Variants in GRSF1 observed in about 807,000 individuals in gnomAD.
GRSF1 encodes G-rich RNA sequence binding factor 1.
GRSF1 carries 50 observed loss-of-function variants against 51.1 expected under a neutral mutation model. That is an observed-to-expected ratio of 0.98 (90% confidence interval 0.78 to 1.24). The LOEUF is 1.24. Among genes scored for constraint, GRSF1 ranks in the 50% most tolerant of loss-of-function variants. The pLI, the probability that GRSF1 is intolerant of heterozygous loss-of-function variation, is 0.00. For missense variants in GRSF1, 700 were observed against 639.7 expected, an observed-to-expected ratio of 1.09 and a Z score of -1.02; for synonymous variants, 293 against 253.3, an observed-to-expected ratio of 1.16 and a Z score of -1.49.
In GRSF1 at chr4:70,818,140, G is replaced by C. The variant is rs1733379740; in HGVS notation, c.*2747C>G. On this transcript the variant is annotated 3_prime_UTR_variant, in exon 10 of 10. Transcript: ENST00000254799. ...TACAACCTCTGCCTCCCAGGTTCAA[G>C]CGATTCTCCTGCCTTGGCCTCCCAA... 1 of 152,302 alleles carries C rather than the reference G, an allele frequency of 6.6e-6. No homozygotes were observed. Among genetic ancestry groups the C allele is most frequent in the South Asian group, 2.1e-4 (1 of 4,832 alleles). The allele number at this position is 152,302 out of a possible 1,614,324, so 9.4% of individuals were successfully genotyped here.
In GRSF1 at chr4:70,836,349, G is replaced by A. The variant is rs376373232; in HGVS notation, c.358-35C>T. The A allele has an allele frequency of 4.3e-5, 60 of 1,406,064 alleles. No homozygotes were observed. The African/African-American group carries it at 7.3e-4, about 17-fold the overall frequency. 87.1% of individuals were successfully genotyped at this position (1,406,064 alleles called of 1,614,324 possible). A position where few individuals can be genotyped will look rare whatever the true frequency, so the allele number is the denominator to read the frequency against. ...GAAATGAAGAATTGTAAAAAGAGTT[G>A]CATTTACAGGTAAAAAATGTAAAAA... On this transcript the variant is annotated intron_variant, in intron 1 of 9. Transcript: ENST00000254799.
At chr4:70,823,034 T>G (rs983634934) in intron 9 of GRSF1, among the ~76,000 whole-genome samples, 1 of 151,740 alleles carries the variant, frequency 6.6e-6, no homozygotes, top group African/African-American at 2.4e-5. Flanking sequence ...GAGGCGGAGT[T>G]TGCAGTGAGC....
intron 2 of GRSF1, among the ~76,000 whole-genome samples, chr4:70,834,212 T>C (rs1298902598): frequency 6.6e-6 from 1 of 152,008 alleles, no homozygotes; most frequent in Non-Finnish European, 1.5e-5. Context: ...TGAGCCGAGA[T>C]TGCGCTACTG....
rs1464816908 is a variant in GRSF1, at chr4:70,819,461, T to C, written c.*1426A>G. ...TTAACCCTTACTACTTATATTAATATAGCAGGACTTGAGGTAATAATATAT... is the reference window on the plus strand; with the variant it reads ...TTAACCCTTACTACTTATATTAATACAGCAGGACTTGAGGTAATAATATAT... On this transcript the variant is annotated 3_prime_UTR_variant, in exon 10 of 10. Coordinates refer to ENST00000254799, the MANE Select transcript of GRSF1 (RefSeq NM_002092.4). The C allele has an allele frequency of 6.6e-6, 1 of 152,182 alleles. No homozygotes were observed. Among genetic ancestry groups the C allele is most frequent in the Non-Finnish European group, 1.5e-5 (1 of 68,028 alleles). 9.4% of individuals were successfully genotyped at this position (152,182 alleles called of 1,614,324 possible).
chr4:70,833,229 T>C lies in GRSF1; in HGVS notation c.559A>G (p.Asn187Asp). 3.1e-6 allele frequency: 5 copies of C among 1,613,904 alleles called. No homozygotes were observed. Among genetic ancestry groups the C allele is most frequent in the Non-Finnish European group, 4.2e-6 (5 of 1,179,786 alleles). The change falls in exon 3 of 10, where the codon AAC (asparagine) becomes GAC (aspartate). Residue 187 changes from asparagine (N) to aspartate (D), a missense_variant. Asn to Asp is a conservative substitution (Grantham distance 23, BLOSUM62 1). Coordinates refer to ENST00000254799, the MANE Select transcript of GRSF1 (RefSeq NM_002092.4). ...NGENGIHFLL[N>D]RDGKRRGDAL... is the part of the protein sequence containing the mutation. The stretch of plus-strand genomic sequence containing the variant: ...TCACCCCTTCGTTTCCCATCTCTGT[T>C]TAGGAGAAAATGTATTCCATTCTCA...
rs1040138430 is a variant in GRSF1 at position 70,816,831 on chromosome 4, G to A, written c.*4056C>T. On this transcript the variant is annotated 3_prime_UTR_variant, in exon 10 of 10. Coordinates refer to ENST00000254799, the MANE Select transcript of GRSF1 (RefSeq NM_002092.4). ...GACATGCATATAGAAAAAAAGATGA[G>A]ACTGCAGGAGGCAGGCTATGGGATA... 2.0e-5 allele frequency: 3 copies of A among 152,206 alleles called. No individual in the cohort carries two copies. The highest frequency in any genetic ancestry group is 1.3e-4 in the Admixed American group (2 of 15,276). The allele number at this position is 152,206 out of a possible 1,614,324, so 9.4% of individuals were successfully genotyped here. A position where few individuals can be genotyped will look rare whatever the true frequency, so the allele number is the denominator to read the frequency against.
At chr4:70,839,348 G>A in intron 1 of GRSF1, 123 bp downstream of exon 1, 1 of 1,504,964 alleles carries the variant, frequency 6.6e-7, no homozygotes, top group Non-Finnish European at 8.9e-7. Context: ...GCGGGTGTGC[G>A]GCGAGTGTCG....
Position 70,832,314 on chromosome 4 carries a change from G to A in GRSF1, c.807C>T (p.Phe269=). Residue 269 remains phenylalanine, a synonymous_variant, in exon 4 of 10, where the codon TTC becomes TTT. Coordinates refer to ENST00000254799, the MANE Select transcript of GRSF1 (RefSeq NM_002092.4). ...YSCNEKDIVD[F]FAGLNIVDIT... is the part of the protein sequence containing the mutation. ...AATACAACTGCAAAGTACCTGCAAA[G>A]AAGTCTACAATGTCTTTCTCATTGC... The A allele has an allele frequency of 6.2e-7, 1 of 1,613,310 alleles. No homozygotes were observed. Among genetic ancestry groups the A allele is most frequent in the South Asian group, 1.1e-5 (1 of 91,020 alleles).
chr4:70,836,703 G>C (rs1326845412), intron 1 of GRSF1, among the ~76,000 whole-genome samples: 1 of 152,096 alleles, frequency 6.6e-6, no homozygotes, highest in Non-Finnish European at 1.5e-5. Flanking sequence ...AAGCATACAA[G>C]ATGAGATACT....
intron 9 of GRSF1, among the ~76,000 whole-genome samples, chr4:70,823,292 G>A (rs1173094231): frequency 6.6e-6 from 1 of 152,086 alleles, no homozygotes; most frequent in African/African-American, 2.4e-5. Context: ...AGCTACTTGG[G>A]AGGCTGAGGC....
At chr4:70,831,710 C>CT (rs199993413) in intron 4 of GRSF1, 36 bp from the exon 5 acceptor site, 28,559 of 1,560,056 alleles carry the variant, frequency 0.018, 371 homozygotes, top group African/African-American at 0.047. Context: ...TACTAGCAGG[C>CT]TTTTTTATCC....
chr4:70,828,682 C>A (rs1733830595), intron 5 of GRSF1, among the ~76,000 whole-genome samples: 1 of 152,040 alleles, frequency 6.6e-6, no homozygotes, highest in Admixed American at 6.6e-5. Context: ...GATCCTCCTG[C>A]CTCAGCCTCC....
chr4:70,832,531 C>T (rs1734025429), intron 3 of GRSF1, 81 bp from the exon 4 acceptor site: 1 of 745,892 alleles, frequency 1.3e-6, no homozygotes. Flanking sequence ...TTACAACTTG[C>T]TGGGTTATCT....
chr4:70,826,592 C>T (rs568524678), intron 6 of GRSF1, among the ~76,000 whole-genome samples: 1 of 150,472 alleles, frequency 6.6e-6, no homozygotes, highest in Non-Finnish European at 1.5e-5. Flanking sequence ...GTAATCCCAA[C>T]ACTTTGGAAG....
At chr4:70,831,045 G>A (rs1240334251) in intron 5 of GRSF1, among the ~76,000 whole-genome samples, 2 of 152,110 alleles carry the variant, frequency 1.3e-5, no homozygotes, top group African/African-American at 4.8e-5. Context: ...CTCTGTCTAT[G>A]GGTTAGTCCC....
chr4:70,839,172 C>T, intron 1 of GRSF1: 1 of 1,362,712 alleles, frequency 7.3e-7, no homozygotes, highest in Non-Finnish European at 9.6e-7. Context: ...CCTCACGAAA[C>T]CTACCATGGG....
intron 6 of GRSF1, among the ~76,000 whole-genome samples, chr4:70,827,525 C>T (rs1013710504): frequency 2.6e-5 from 4 of 152,186 alleles, no homozygotes; most frequent in African/African-American, 9.6e-5. Flanking sequence ...TGGCTCACAC[C>T]TGTAATCCCA....
chr4:70,840,363 T>C (rs144015732), upstream of GRSF1, among the ~76,000 whole-genome samples: 412 of 152,354 alleles, frequency 2.7e-3, 5 homozygotes, highest in Admixed American at 0.013. Flanking sequence ...TAGTGACTCA[T>C]TCTTGTAATC....
chr4:70,839,319 G>C, intron 1 of GRSF1, 152 bp downstream of exon 1: 1 of 1,502,832 alleles, frequency 6.7e-7, no homozygotes, highest in Non-Finnish European at 8.9e-7. Flanking sequence ...GGCCCAATAG[G>C]AGCACAGGGT....
Sources: allele counts gnomAD v4.1 joint callset (sites outside exome capture counted in the v4.1 genomes callset), GRCh38; gene constraint gnomAD v4.1.1; transcripts MANE v1.5; gene names NCBI Gene and HGNC (gene_info 2026-07-23, HGNC 2026-07-21).